PKIA: variants seen among roughly 807,000 people sequenced by gnomAD.
PKIA encodes cAMP-dependent protein kinase inhibitor alpha, also known as PKI-alpha.
A neutral mutation model predicts 7.6 loss-of-function variants in PKIA; 4 were observed. The observed-to-expected ratio is 0.52, with a 90% CI of 0.26 to 1.20. The LOEUF (loss-of-function observed/expected upper bound fraction) is 1.20. Ranked by LOEUF, PKIA falls within the 50% of genes most tolerant of loss-of-function variation. PKIA has a pLI of 0.13. For synonymous variants in PKIA, 21 were observed against 30.7 expected, an observed-to-expected ratio of 0.68 and a Z score of 1.04; for missense variants, 73 against 86.2, an observed-to-expected ratio of 0.85 and a Z score of 0.61.
chr8:78,551,245 G>A (rs1806975870), intron 1 of PKIA, among the ~76,000 whole-genome samples: 1 of 152,062 alleles, frequency 6.6e-6, no homozygotes, highest in Non-Finnish European at 1.5e-5. Flanking sequence ...GTTCCTGGAG[G>A]TATGAACTGT....
At chr8:78,520,100 A>G (rs1220382106) in intron 1 of PKIA, among the ~76,000 whole-genome samples, 2 of 152,184 alleles carry the variant, frequency 1.3e-5, no homozygotes, top group Non-Finnish European at 1.5e-5. Context: ...AGCTACATAT[A>G]TGTATTATAG....
chr8:78,594,162 G>C lies in PKIA; in HGVS notation c.-27-4196G>C, dbSNP rs148956686. 5.3e-5 allele frequency among the ~76,000 whole-genome samples: 8 copies of C among 152,284 alleles called. No homozygotes were observed. The East Asian group carries it at 1.4e-3, about 26-fold the overall frequency. On this transcript the variant is annotated intron_variant, in intron 2 of 3. Coordinates refer to ENST00000396418, the MANE Select transcript of PKIA (RefSeq NM_006823.4). ...TCAAACCTTTAGATCGCTACCTGAA[G>C]AGATAGGGAAATTAGGTAAAAGAGA... is the stretch of plus-strand genomic sequence containing the variant.
chr8:78,520,706 T>G (rs1271891550), intron 1 of PKIA, among the ~76,000 whole-genome samples: 1 of 152,174 alleles, frequency 6.6e-6, no homozygotes, highest in African/African-American at 2.4e-5. Context: ...CATCTCAAAC[T>G]TTTGATAACT....
intron 1 of PKIA, among the ~76,000 whole-genome samples, chr8:78,542,534 A>G (rs191687357): frequency 3.3e-5 from 5 of 152,134 alleles, no homozygotes; most frequent in Admixed American, 1.3e-4. Flanking sequence ...GCCAACCACT[A>G]TCTGTTCTGC....
intron 1 of PKIA, among the ~76,000 whole-genome samples, chr8:78,571,334 A>G (rs1259280675): frequency 3.3e-5 from 5 of 152,050 alleles, no homozygotes; most frequent in African/African-American, 1.2e-4. Context: ...ATAACCTTTA[A>G]TACCCCATTG....
intron 1 of PKIA, among the ~76,000 whole-genome samples, chr8:78,557,656 T>A (rs1427808658): frequency 7.2e-5 from 11 of 152,088 alleles, no homozygotes; most frequent in Admixed American, 7.2e-4. Context: ...AAGGCTCTTG[T>A]CAAAATGGTA....
chr8:78,519,738 T>G (rs2118309296), intron 1 of PKIA, among the ~76,000 whole-genome samples: 1 of 152,346 alleles, frequency 6.6e-6, no homozygotes, highest in Admixed American at 6.5e-5. Context: ...TCTCTTAATC[T>G]AATTTGTCAC....
At chr8:78,588,439 CA>C (rs1808011668) in intron 2 of PKIA, among the ~76,000 whole-genome samples, 1 of 152,150 alleles carries the variant, frequency 6.6e-6, no homozygotes, top group African/African-American at 2.4e-5. Context: ...AAGATCATGC[CA>C]CGGCACTCCA....
chr8:78,565,865 G>A (rs932304839), intron 1 of PKIA, among the ~76,000 whole-genome samples: 3 of 151,660 alleles, frequency 2.0e-5, no homozygotes, highest in Non-Finnish European at 4.4e-5. Flanking sequence ...CACTACATAG[G>A]GTAACACCTG....
At chr8:78,537,275 A>G (rs1254785251) in intron 1 of PKIA, among the ~76,000 whole-genome samples, 2 of 151,824 alleles carry the variant, frequency 1.3e-5, no homozygotes. Context: ...TATCCATCTA[A>G]TTCTCTGATA....
chr8:78,556,315 G>A (rs1226515547), intron 1 of PKIA, among the ~76,000 whole-genome samples: 1 of 151,970 alleles, frequency 6.6e-6, no homozygotes, highest in Non-Finnish European at 1.5e-5. Context: ...GAATAAATGT[G>A]ATGCCAATTA....
intron 1 of PKIA, among the ~76,000 whole-genome samples, chr8:78,524,014 A>G (rs1340530157): frequency 1.0e-5 from 1 of 99,150 alleles, no homozygotes; most frequent in African/African-American, 5.0e-5. Context: ...ATATAAATAT[A>G]TATAAACGTT....
At chr8:78,540,049 C>A (rs13253248) in intron 1 of PKIA, among the ~76,000 whole-genome samples, 1 of 150,306 alleles carries the variant, frequency 6.7e-6, no homozygotes. Flanking sequence ...TCATTTTCTT[C>A]TTACAATTAC....
At chr8:78,593,279 C>G (rs1043693518) in intron 2 of PKIA, among the ~76,000 whole-genome samples, 2 of 152,078 alleles carry the variant, frequency 1.3e-5, no homozygotes, top group Admixed American at 6.6e-5. Context: ...TGCACCACTA[C>G]GCCCAGCTAA....
At chr8:78,538,437 A>G (rs774352293) in intron 1 of PKIA, among the ~76,000 whole-genome samples, 11 of 152,062 alleles carry the variant, frequency 7.2e-5, no homozygotes, top group Non-Finnish European at 1.2e-4. Context: ...CAACTACATC[A>G]AAGTTTCAAG....
At chr8:78,549,317 G>A (rs1224402973) in intron 1 of PKIA, among the ~76,000 whole-genome samples, 1 of 151,774 alleles carries the variant, frequency 6.6e-6, no homozygotes, top group Non-Finnish European at 1.5e-5. Flanking sequence ...AAGAGAAAAA[G>A]CTAGAGTAGC....
intron 1 of PKIA, among the ~76,000 whole-genome samples, chr8:78,554,113 C>T (rs1167696351): frequency 6.6e-6 from 1 of 151,992 alleles, no homozygotes; most frequent in Non-Finnish European, 1.5e-5. Context: ...TCGTAGATCA[C>T]AAGTCACAGA....
At chr8:78,594,454 G>T (rs1808181344) in intron 2 of PKIA, among the ~76,000 whole-genome samples, 1 of 152,158 alleles carries the variant, frequency 6.6e-6, no homozygotes, top group Non-Finnish European at 1.5e-5. Context: ...AGGCTGTGCA[G>T]CAGGCTTGAA....
chr8:78,529,133 T>C (rs1231195303), intron 1 of PKIA, among the ~76,000 whole-genome samples: 1 of 152,036 alleles, frequency 6.6e-6, no homozygotes, highest in Non-Finnish European at 1.5e-5. Context: ...AGCTTACAGA[T>C]ATGGATATTA....
Sources: gnomAD v4.1 joint callset for allele counts (sites outside exome capture counted in the v4.1 genomes callset) on GRCh38, gnomAD v4.1.1 for gene constraint, MANE v1.5 for transcripts, NCBI Gene and HGNC (gene_info 2026-07-23, HGNC 2026-07-21) for gene names.